SENP7: variants seen among roughly 807,000 people sequenced by gnomAD.
The protein encoded by SENP7 is sentrin-specific protease 7.
A neutral mutation model predicts 141.2 loss-of-function variants in SENP7; 64 were observed. The observed-to-expected ratio is 0.45, with a 90% CI of 0.37 to 0.56. The LOEUF (loss-of-function observed/expected upper bound fraction) is 0.56. SENP7 is among the 20% of genes least tolerant of loss of function. The pLI is 0.00. For missense variants in SENP7, 1,025 were observed against 1,212.2 expected (o/e 0.85, Z 2.29); for synonymous variants, 382 against 426.4 (o/e 0.90, Z 1.28).
chr3:101,373,977 G>A (rs925667667), intron 6 of SENP7, among the ~76,000 whole-genome samples: 1 of 152,104 alleles, frequency 6.6e-6, no homozygotes, highest in Non-Finnish European at 1.5e-5. Flanking sequence ...ACAAGTAAAT[G>A]TAATAAAAGC....
intron 3 of SENP7, among the ~76,000 whole-genome samples, chr3:101,468,310 C>G (rs1375392569): frequency 6.6e-6 from 1 of 152,094 alleles, no homozygotes; most frequent in African/African-American, 2.4e-5. Flanking sequence ...GAGAACTTCC[C>G]CAACTTAGCA....
At chr3:101,334,303 G>A (rs2059130685) in intron 17 of SENP7, among the ~76,000 whole-genome samples, 2 of 151,986 alleles carry the variant, frequency 1.3e-5, no homozygotes, top group African/African-American at 4.8e-5. Context: ...ATAAAACCAA[G>A]TTTGACTGTC....
intron 1 of SENP7, among the ~76,000 whole-genome samples, chr3:101,501,399 T>C (rs1180472363): frequency 1.3e-5 from 2 of 151,696 alleles, no homozygotes; most frequent in Non-Finnish European, 2.9e-5. Context: ...AAAACTTGGC[T>C]CTAAGAACTA....
intron 1 of SENP7, among the ~76,000 whole-genome samples, chr3:101,504,212 G>A (rs2065499131): frequency 6.6e-6 from 1 of 151,874 alleles, no homozygotes; most frequent in Non-Finnish European, 1.5e-5. Flanking sequence ...GCACTAATGG[G>A]AGGCCGAGGT....
intron 6 of SENP7, among the ~76,000 whole-genome samples, chr3:101,378,067 T>C (rs1202967728): frequency 6.6e-6 from 1 of 151,986 alleles, no homozygotes; most frequent in Non-Finnish European, 1.5e-5. Flanking sequence ...GACTACAGAA[T>C]GCTTTTCTTC....
At chr3:101,444,626 G>T (rs2062814247) in intron 4 of SENP7, among the ~76,000 whole-genome samples, 1 of 151,466 alleles carries the variant, frequency 6.6e-6, no homozygotes, top group Non-Finnish European at 1.5e-5. Flanking sequence ...ATCATTCTCA[G>T]TAAACTATCG....
At chr3:101,456,407 T>C (rs2063352422) in intron 4 of SENP7, among the ~76,000 whole-genome samples, 1 of 152,170 alleles carries the variant, frequency 6.6e-6, no homozygotes, top group Non-Finnish European at 1.5e-5. Context: ...TGGGTCATTA[T>C]TGTATTTTTA....
intron 3 of SENP7, among the ~76,000 whole-genome samples, chr3:101,466,722 A>T (rs1439598695): frequency 6.6e-6 from 1 of 152,184 alleles, no homozygotes; most frequent in Non-Finnish European, 1.5e-5. Context: ...GCATTCCAAG[A>T]TGGCTAAATA....
chr3:101,459,685 C>T (rs991722918), intron 3 of SENP7, among the ~76,000 whole-genome samples: 1 of 152,136 alleles, frequency 6.6e-6, no homozygotes, highest in African/African-American at 2.4e-5. Context: ...ACTTCCACAT[C>T]ACAGAACAGA....
Position 101,409,711 on chromosome 3 carries a change from G to A in SENP7, c.482+7882C>T, listed in dbSNP as rs143260284. Among the ~76,000 whole-genome samples, 435 of 152,320 alleles carry A rather than the reference G, an allele frequency of 2.9e-3. 2 individuals carry two copies. Among genetic ancestry groups the A allele is most frequent in the Non-Finnish European group, 5.4e-3 (368 of 68,016 alleles). Reference sequence around the variant, plus strand: ...AAGAACACTCTTTTCAACAAATGGTGCTGGGATAATTGGCTAGCCACATGT... The same window carrying A: ...AAGAACACTCTTTTCAACAAATGGTACTGGGATAATTGGCTAGCCACATGT... On this transcript the variant is annotated intron_variant, in intron 5 of 23. Coordinates refer to ENST00000394095, the MANE Select transcript of SENP7 (RefSeq NM_020654.5).
intron 9 of SENP7, among the ~76,000 whole-genome samples, chr3:101,365,278 T>G (rs560501305): frequency 6.2e-4 from 95 of 152,012 alleles, no homozygotes; most frequent in African/African-American, 2.0e-3. Flanking sequence ...GCTGGGATTA[T>G]AGGTGTGGGT....
At chr3:101,362,756 T>G (rs1246223697) in intron 10 of SENP7, among the ~76,000 whole-genome samples, 1 of 152,194 alleles carries the variant, frequency 6.6e-6, no homozygotes, top group Admixed American at 6.5e-5. Context: ...TATTGTATAC[T>G]CTATGTTTGA....
At chr3:101,448,239 A>C (rs1459039533) in intron 4 of SENP7, among the ~76,000 whole-genome samples, 1 of 152,230 alleles carries the variant, frequency 6.6e-6, no homozygotes, top group Non-Finnish European at 1.5e-5. Flanking sequence ...AAAAACAGAT[A>C]AATGGGACTT....
Position 101,327,823 on chromosome 3 carries a change from T to C in SENP7, c.2865-7A>G. ...CCACTCTACCTCTAAATACCTGAAA[T>C]AATCAACAAATAAGAGTGACTAAAG... is the stretch of plus-strand genomic sequence containing the variant. On this transcript the variant is annotated splice_polypyrimidine_tract_variant and splice_region_variant and intron_variant, in intron 22 of 23. Coordinates refer to ENST00000394095, the MANE Select transcript of SENP7 (RefSeq NM_020654.5). 6.3e-7 allele frequency: 1 copy of C among 1,587,678 alleles called. No individual in the cohort carries two copies. The highest frequency in any genetic ancestry group is 8.6e-7 in the Non-Finnish European group (1 of 1,160,140).
chr3:101,442,206 A>G (rs868384480), intron 4 of SENP7, among the ~76,000 whole-genome samples: 2 of 152,242 alleles, frequency 1.3e-5, no homozygotes, highest in South Asian at 4.1e-4. Flanking sequence ...AAATATATGT[A>G]TGAAATGCCT....
At chr3:101,368,535 T>C (rs926341574) in intron 7 of SENP7, among the ~76,000 whole-genome samples, 1 of 130,434 alleles carries the variant, frequency 7.7e-6, no homozygotes, top group Non-Finnish European at 1.5e-5. Context: ...ATGAGAACAC[T>C]TGGACGCAGG....
At chr3:101,468,407 C>A (rs2063844254) in intron 3 of SENP7, among the ~76,000 whole-genome samples, 1 of 152,146 alleles carries the variant, frequency 6.6e-6, no homozygotes. Context: ...GCATAATTGT[C>A]AGATTCACCA....
chr3:101,499,008 T>C (rs752719469), intron 2 of SENP7, among the ~76,000 whole-genome samples: 2 of 152,184 alleles, frequency 1.3e-5, no homozygotes, highest in African/African-American at 2.4e-5. Context: ...TGGTTTAAGG[T>C]ACTGTATCAA....
chr3:101,422,182 GA>G (rs1267168889), intron 4 of SENP7, among the ~76,000 whole-genome samples: 1 of 152,126 alleles, frequency 6.6e-6, no homozygotes, highest in Non-Finnish European at 1.5e-5. Flanking sequence ...CTCCTTATGA[GA>G]ATCTAATGCC....
Sources: allele counts gnomAD v4.1 joint callset (sites outside exome capture counted in the v4.1 genomes callset), GRCh38; gene constraint gnomAD v4.1.1; transcripts MANE v1.5; gene names NCBI Gene and HGNC (gene_info 2026-07-23, HGNC 2026-07-21).